FRMPD1: variants seen among roughly 807,000 people sequenced by gnomAD.
The protein encoded by FRMPD1 is FERM and PDZ domain containing 1, also known as FERM and PDZ domain-containing protein 1.
A neutral mutation model predicts 117.8 loss-of-function variants in FRMPD1; 76 were observed. The ratio of observed to expected loss-of-function variants is 0.65; its 90% CI spans 0.54 to 0.78. The LOEUF is 0.78. Among genes scored for constraint, FRMPD1 ranks in the 30% least tolerant of loss-of-function variants. The pLI, the probability that FRMPD1 is intolerant of heterozygous loss-of-function variation, is 0.00. For synonymous variants in FRMPD1, 783 were observed against 770.4 expected (o/e 1.02, Z -0.27); for missense variants, 1,786 against 1,964.5 (o/e 0.91, Z 1.72).
At chr9:37,708,033 G>C (rs577630021) in intron 3 of FRMPD1, among the ~76,000 whole-genome samples, 2 of 152,232 alleles carry the variant, frequency 1.3e-5, no homozygotes, top group African/African-American at 2.4e-5. Context: ...TAATTGAGGT[G>C]TGTTAATCTG....
chr9:37,651,861 G>A (rs1263878514), intron 1 of FRMPD1, among the ~76,000 whole-genome samples: 1 of 152,240 alleles, frequency 6.6e-6, no homozygotes, highest in African/African-American at 2.4e-5. Flanking sequence ...CTCTGGAGAA[G>A]CGGAACCTCC....
chr9:37,667,867 AGGCTG>A (rs1356458805), intron 1 of FRMPD1: 1 of 152,256 alleles, frequency 6.6e-6, no homozygotes, highest in Admixed American at 6.5e-5. Flanking sequence ...AGGCTGTGTG[AGGCTG>A]GGCAAGTTAT....
chr9:37,650,398 G>A (rs1000407178), upstream of FRMPD1, among the ~76,000 whole-genome samples: 7 of 152,132 alleles, frequency 4.6e-5, no homozygotes, highest in East Asian at 1.9e-4. Flanking sequence ...GGAAAGCTAG[G>A]AGAACACAGT....
Position 37,728,759 on chromosome 9 carries a change from T to C in FRMPD1, c.613-969T>C, listed in dbSNP as rs117608018. Among the ~76,000 whole-genome samples, 1,345 of 152,010 alleles carry C rather than the reference T, an allele frequency of 8.8e-3. 6 individuals are homozygous for C. Among genetic ancestry groups the C allele is most frequent in the Non-Finnish European group, 0.014 (946 of 67,972 alleles). On this transcript the variant is annotated intron_variant, in intron 7 of 15. Coordinates refer to ENST00000377765, the MANE Select transcript of FRMPD1 (RefSeq NM_014907.3). ...TGGCAGATCACCTGAGGTCGGGAGT[T>C]CGAGACCAGTATGACCAACATGGTG...
In FRMPD1 at chr9:37,745,595, C is replaced by T. The variant is rs1563967305; in HGVS notation, c.3563C>T (p.Pro1188Leu). The T allele has an allele frequency of 1.2e-6, 2 of 1,614,148 alleles. No homozygotes were observed. The highest frequency in any genetic ancestry group is 1.7e-6 in the Non-Finnish European group (2 of 1,180,018). ...PRDPQGQSRE[P>L]PGQGCQAQEQ... The stretch of plus-strand genomic sequence containing the variant: ...GACCCTCAAGGACAGAGCAGAGAAC[C>T]CCCAGGGCAAGGCTGCCAGGCTCAA... Residue 1188 changes from proline (P) to leucine (L), a missense_variant, in exon 16 of 16, where the codon CCC becomes CTC. Transcript: ENST00000377765.
At chr9:37,675,776 A>G (rs1821508049) in intron 1 of FRMPD1, among the ~76,000 whole-genome samples, 1 of 152,146 alleles carries the variant, frequency 6.6e-6, no homozygotes, top group Admixed American at 6.5e-5. Flanking sequence ...TTCTAGATCT[A>G]GAGATGGAAA....
intron 1 of FRMPD1, among the ~76,000 whole-genome samples, chr9:37,689,922 C>T (rs192493191): frequency 1.7e-4 from 26 of 151,694 alleles, no homozygotes; most frequent in African/African-American, 6.0e-4. Context: ...TTTTTCCTCT[C>T]TGGAAGTTTA....
At chr9:37,646,344 C>T (rs1449924168), upstream of FRMPD1, among the ~76,000 whole-genome samples, 1 of 152,186 alleles carries the variant, frequency 6.6e-6, no homozygotes, top group African/African-American at 2.4e-5. Flanking sequence ...TGAATAACCA[C>T]TTAGAGGCCC....
At position 37,740,784 on chromosome 9, in the gene FRMPD1, ACCCCTGGCC is replaced by A. The variant is rs1198923648; in HGVS notation, c.2258_2266del (p.Pro753_Ala755del). The A allele has an allele frequency of 6.2e-6, 10 of 1,613,816 alleles. No homozygotes were observed. The highest frequency in any genetic ancestry group is 1.7e-5 in the Admixed American group (1 of 59,992). On this transcript the variant is annotated inframe_deletion, in exon 15 of 16. Coordinates refer to ENST00000377765, the MANE Select transcript of FRMPD1 (RefSeq NM_014907.3). The surrounding 1 kb of genome is among the most constrained non-coding windows in gnomAD (Gnocchi z 4.2). ...AGGCCCAGCCCAGTTCCATGCTGGAACCCCTGGCCCTGCACCCACCACTGGCCTTTGAGG... is the reference window on the plus strand; with the variant it reads ...AGGCCCAGCCCAGTTCCATGCTGGAACTGCACCCACCACTGGCCTTTGAGG...
At chr9:37,722,568 C>T (rs1012286963) in intron 6 of FRMPD1, among the ~76,000 whole-genome samples, 2 of 152,124 alleles carry the variant, frequency 1.3e-5, no homozygotes, top group East Asian at 1.9e-4. Context: ...CCACCACGCC[C>T]GGCTAATTTT....
At chr9:37,717,369 G>GTGTGTGTGTGTGTATA (rs1407798527) in intron 5 of FRMPD1, among the ~76,000 whole-genome samples, 3 of 94,134 alleles carry the variant, frequency 3.2e-5, no homozygotes, top group Non-Finnish European at 6.5e-5. Context: ...GTGTGTGTGT[G>GTGTGTGTGTGTGTATA]TATATATATA....
intron 9 of FRMPD1, 141 bp downstream of exon 9, chr9:37,731,244 T>C: frequency 1.4e-6 from 1 of 726,034 alleles, no homozygotes; most frequent in South Asian, 1.8e-5. Context: ...GGCCTGATCA[T>C]CGCTCAGAAT....
At chr9:37,697,237 C>T (rs1194732344) in intron 2 of FRMPD1, among the ~76,000 whole-genome samples, 1 of 152,088 alleles carries the variant, frequency 6.6e-6, no homozygotes, top group Non-Finnish European at 1.5e-5. Flanking sequence ...AAGGATGACT[C>T]CTCTGTTACC....
rs752793542 is a variant in FRMPD1 at position 37,740,307 on chromosome 9, C to T, written c.1779C>T (p.Ala593=). The change falls in exon 15 of 16, where the codon GCC becomes GCT. Residue 593 remains alanine (A), a synonymous_variant. Coordinates refer to ENST00000377765, the MANE Select transcript of FRMPD1 (RefSeq NM_014907.3). This position sits in a 1 kb window ranked among gnomAD's most constrained non-coding sequence, Gnocchi z 4.2. ...DSAESEASDS[A]NTESRGYRTS... is the part of the protein sequence containing the mutation. ...CCGAGTCCGAGGCGTCCGACTCAGCCAACACTGAGAGCCGCGGCTACAGGA... is the reference window on the plus strand; with the variant it reads ...CCGAGTCCGAGGCGTCCGACTCAGCTAACACTGAGAGCCGCGGCTACAGGA... The T allele has an allele frequency of 1.2e-6, 2 of 1,613,756 alleles. No homozygotes were observed. The highest frequency in any genetic ancestry group is 2.7e-5 in the African/African-American group (2 of 74,910).
At chr9:37,650,853 A>G (rs1588898610), upstream of FRMPD1, 1 of 147,982 alleles carries the variant, frequency 6.8e-6, no homozygotes, top group East Asian at 2.0e-4. Context: ...CGGCGCCGGC[A>G]GCTGGCGGCC....
At chr9:37,617,723 G>T in the FRMPD1 span, among the ~76,000 whole-genome samples, 4 of 152,154 alleles carry the variant, frequency 2.6e-5, no homozygotes, top group African/African-American at 7.2e-5. Context: ...CATTTTTAAA[G>T]ATCCCTACTG....
the FRMPD1 span, among the ~76,000 whole-genome samples, chr9:37,618,967 C>CTGAG: frequency 6.6e-6 from 1 of 152,228 alleles, no homozygotes; most frequent in African/African-American, 2.4e-5. Flanking sequence ...GAGCTCCCTG[C>CTGAG]TGAGCCAGTC....
chr9:37,644,784 C>T, the FRMPD1 span, among the ~76,000 whole-genome samples: 4 of 152,260 alleles, frequency 2.6e-5, no homozygotes, highest in East Asian at 7.7e-4. Context: ...GTGTGTCCTG[C>T]CTAACTCAAG....
Position 37,740,264 on chromosome 9 carries a change from G to T in FRMPD1, c.1736G>T (p.Ser579Ile). 6.2e-7 allele frequency: 1 copy of T among 1,613,896 alleles called. No individual in the cohort carries two copies. ...AGGGGCCCCAGCACCTGCGGGGCCA[G>T]CAGCACGACAGACAGTGCCGAGTCC... Reference protein sequence around the residue: ...ARRGPSTCGASSTTDSAESEA... With the variant: ...ARRGPSTCGAISTTDSAESEA... Residue 579 changes from serine to isoleucine, a missense_variant, in exon 15 of 16, where the codon AGC (serine) becomes ATC (isoleucine). Ser to Ile is a moderately radical substitution (Grantham distance 142). Transcript: ENST00000377765. This position sits in a 1 kb window ranked among gnomAD's most constrained non-coding sequence, Gnocchi z 4.2.
Sources: allele counts gnomAD v4.1 joint callset (sites outside exome capture counted in the v4.1 genomes callset), GRCh38; gene constraint gnomAD v4.1.1; non-coding constraint Gnocchi (gnomAD v3.1); transcripts MANE v1.5; gene names NCBI Gene and HGNC (gene_info 2026-07-23, HGNC 2026-07-21).